Variants in NAV3 observed in about 807,000 individuals in gnomAD.
The protein encoded by NAV3 is pore membrane and/or filament interacting like protein 1.
A neutral mutation model predicts 244.7 loss-of-function variants in NAV3; 87 were observed. The observed-to-expected ratio is 0.36, with a 90% CI of 0.30 to 0.42. The LOEUF (loss-of-function observed/expected upper bound fraction) is 0.42. Ranked by LOEUF, NAV3 falls within the 20% of genes least tolerant of loss-of-function variation. NAV3 has a pLI of 1.00. For synonymous variants in NAV3, 1,126 were observed against 1,042.2 expected, an observed-to-expected ratio of 1.08 and a Z score of -1.55; for missense variants, 2,663 against 2,893.3, an observed-to-expected ratio of 0.92 and a Z score of 1.83.
At chr12:77,882,666 A>G (rs932749150) in intron 1 of NAV3, among the ~76,000 whole-genome samples, 1 of 152,116 alleles carries the variant, frequency 6.6e-6, no homozygotes, top group Admixed American at 6.6e-5. Context: ...AGGAGAAAAT[A>G]TTCACAAACT....
chr12:77,970,521 A>G (rs541194848), intron 5 of NAV3, among the ~76,000 whole-genome samples: 1 of 152,286 alleles, frequency 6.6e-6, no homozygotes, highest in East Asian at 1.9e-4. Flanking sequence ...GAATTTTTAA[A>G]TAAATTTTAA....
At chr12:77,743,147 A>G (rs1270273916) in intron 2 of NAV3, among the ~76,000 whole-genome samples, 1 of 152,016 alleles carries the variant, frequency 6.6e-6, no homozygotes, top group Non-Finnish European at 1.5e-5. Flanking sequence ...TAAGTATAGT[A>G]CTGTAAATGT....
chr12:77,878,928 G>T (rs910108481), intron 1 of NAV3, among the ~76,000 whole-genome samples: 2 of 152,114 alleles, frequency 1.3e-5, no homozygotes, highest in Non-Finnish European at 2.9e-5. Context: ...CCAGTAAGAT[G>T]TTTATAGGAA....
chr12:77,628,913 A>C (rs1378535399), intron 2 of NAV3, among the ~76,000 whole-genome samples: 1 of 152,056 alleles, frequency 6.6e-6, no homozygotes, highest in Non-Finnish European at 1.5e-5. Context: ...AAAAAAAAAA[A>C]AAAAGAATCC....
Position 78,118,421 on chromosome 12 carries a change from G to A in NAV3, c.3040+124G>A. On this transcript the variant is annotated intron_variant, in intron 14 of 39. Transcript: ENST00000397909. Reference sequence around the variant, plus strand: ...AATTCTTATCCATATTAAACATGGAGTCAAATAGTTAAATAGTTTTTCTGT... The same window carrying A: ...AATTCTTATCCATATTAAACATGGAATCAAATAGTTAAATAGTTTTTCTGT... The A allele has an allele frequency of 3.1e-6, 4 of 1,270,968 alleles. No homozygotes were observed. In the South Asian group the frequency reaches 6.5e-5, roughly 21 times the overall value. The allele number at this position is 1,270,968 out of a possible 1,614,324, so 78.7% of individuals were successfully genotyped here.
chr12:78,135,085 C>G (rs916810961), intron 18 of NAV3, among the ~76,000 whole-genome samples: 3 of 152,148 alleles, frequency 2.0e-5, no homozygotes, highest in Non-Finnish European at 4.4e-5. Flanking sequence ...AGATGGAAAG[C>G]AAAACTACCA....
chr12:77,858,017 T>G (rs569805364), intron 1 of NAV3, among the ~76,000 whole-genome samples: 3 of 152,080 alleles, frequency 2.0e-5, no homozygotes, highest in Non-Finnish European at 4.4e-5. Context: ...AAAAATATAC[T>G]TTTTGCATTT....
At chr12:78,181,946 C>G (rs544557999) in intron 30 of NAV3, among the ~76,000 whole-genome samples, 60 of 152,094 alleles carry the variant, frequency 3.9e-4, no homozygotes, top group African/African-American at 1.4e-3. Flanking sequence ...AAAAATTCTG[C>G]TATTATGGCT....
At chr12:78,078,622 C>G (rs1021683156) in intron 12 of NAV3, among the ~76,000 whole-genome samples, 1 of 151,904 alleles carries the variant, frequency 6.6e-6, no homozygotes, top group South Asian at 2.1e-4. Context: ...GTCTCGATCT[C>G]CTGACCTCGT....
chr12:77,691,043 G>T (rs570286939), intron 2 of NAV3, among the ~76,000 whole-genome samples: 6 of 150,314 alleles, frequency 4.0e-5, no homozygotes, highest in Non-Finnish European at 8.9e-5. Context: ...TAACAGTTTA[G>T]GTGTCAAATG....
At chr12:77,917,041 A>G (rs565806569) in intron 1 of NAV3, among the ~76,000 whole-genome samples, 1 of 152,040 alleles carries the variant, frequency 6.6e-6, no homozygotes, top group East Asian at 1.9e-4. Context: ...TAGCATTATT[A>G]TATAAAAATC....
chr12:78,005,993 C>A (rs747304552), intron 7 of NAV3, among the ~76,000 whole-genome samples: 5 of 152,148 alleles, frequency 3.3e-5, no homozygotes, highest in Non-Finnish European at 5.9e-5. Context: ...ACTGCAACCT[C>A]TGCTTCCCGA....
Position 78,188,629 on chromosome 12 carries a change from T to C in NAV3, c.5907T>C (p.Asp1969=), listed in dbSNP as rs2139850510. The stretch of plus-strand genomic sequence containing the variant: ...TGTAGGAATATGTATTCCGAATTGA[T>C]ACATCCACTAGCCTTGGTCTGAGCT... ...RLFKEYVFRI[D]TSTSLGLSSD... Residue 1969 remains aspartate (D), a synonymous_variant, in exon 33 of 40, where the codon GAT becomes GAC. Transcript: ENST00000397909. 6.2e-7 allele frequency: 1 copy of C among 1,611,170 alleles called. No individual in the cohort carries two copies. The highest frequency in any genetic ancestry group is 8.5e-7 in the Non-Finnish European group (1 of 1,178,564).
At chr12:77,634,126 A>T (rs75641244) in intron 2 of NAV3, among the ~76,000 whole-genome samples, 4 of 149,534 alleles carry the variant, frequency 2.7e-5, no homozygotes, top group African/African-American at 2.4e-5. Context: ...CAAATCTCCC[A>T]TTTTTTTTTT....
intron 1 of NAV3, among the ~76,000 whole-genome samples, chr12:77,911,629 C>T (rs549705143): frequency 4.1e-4 from 62 of 152,154 alleles, no homozygotes; most frequent in South Asian, 1.5e-3. Context: ...AAAATACCTA[C>T]AGATGGATGG....
intron 8 of NAV3, among the ~76,000 whole-genome samples, chr12:78,008,303 T>C (rs907808918): frequency 6.6e-6 from 1 of 152,174 alleles, no homozygotes; most frequent in Non-Finnish European, 1.5e-5. Context: ...CAATATAAAA[T>C]TTTTAAATGC....
intron 2 of NAV3, among the ~76,000 whole-genome samples, chr12:77,573,508 A>G (rs2136647923): frequency 6.6e-6 from 1 of 152,308 alleles, no homozygotes; most frequent in Admixed American, 6.5e-5. Context: ...AAATTTCTAC[A>G]CAAATACTTG....
chr12:78,177,357 C>G (rs1463740741), intron 27 of NAV3, 44 bp downstream of exon 27: 1 of 1,579,754 alleles, frequency 6.3e-7, no homozygotes, highest in Admixed American at 1.9e-5. Context: ...TTTTTAAAAA[C>G]AATTTTAGAT....
chr12:77,764,608 AG>A (rs1040399996), intron 2 of NAV3, among the ~76,000 whole-genome samples: 17 of 152,380 alleles, frequency 1.1e-4, no homozygotes, highest in Non-Finnish European at 2.5e-4. Context: ...ATTACTTCAT[AG>A]GATTTTTCAA....
Sources: gnomAD v4.1 joint callset for allele counts (sites outside exome capture counted in the v4.1 genomes callset) on GRCh38, gnomAD v4.1.1 for gene constraint, MANE v1.5 for transcripts, NCBI Gene and HGNC (gene_info 2026-07-23, HGNC 2026-07-21) for gene names.